The following TCF7L2 variants were observed in gnomAD, a reference collection of about 807,000 sequenced individuals.
The protein encoded by TCF7L2 is transcription factor 7-like 2.
TCF7L2 carries 23 observed loss-of-function variants against 77.9 expected under a neutral mutation model. The observed-to-expected ratio is 0.30, with a 90% CI of 0.21 to 0.42. TCF7L2 has a LOEUF of 0.42. Ranked by LOEUF, TCF7L2 falls within the 10% of genes least tolerant of loss-of-function variation. The pLI is 1.00. For synonymous variants in TCF7L2, 413 were observed against 340.2 expected (o/e 1.21, Z -2.36); for missense variants, 654 against 793.1 (o/e 0.82, Z 2.11).
chr10:113,000,109 A>G (rs2044208909), intron 4 of TCF7L2, among the ~76,000 whole-genome samples: 1 of 152,200 alleles, frequency 6.6e-6, no homozygotes, highest in South Asian at 2.1e-4. Flanking sequence ...TCCTAAAGTT[A>G]AAGAAAATCT....
In TCF7L2 at chr10:112,951,471, C is replaced by T. The variant is rs775503530; in HGVS notation, c.257-12C>T. On this transcript the variant is annotated splice_polypyrimidine_tract_variant and intron_variant, in intron 2 of 13. Coordinates refer to ENST00000627217, the MANE Select transcript of TCF7L2 (RefSeq NM_001146274.2). ...CGGCCGCCGCTGTCCCCTCGCCGCC[C>T]CGCCATGTTAGCGGCCAAGAGGCAA... 5 of 1,420,864 alleles carry T rather than the reference C, an allele frequency of 3.5e-6. 1 individual carries two copies. The South Asian group carries it at 6.0e-5, about 17-fold the overall frequency. 88.0% of individuals were successfully genotyped at this position (1,420,864 alleles called of 1,614,324 possible).
intron 5 of TCF7L2, among the ~76,000 whole-genome samples, chr10:113,096,270 T>C (rs1489950890): frequency 6.6e-6 from 1 of 152,076 alleles, no homozygotes; most frequent in Non-Finnish European, 1.5e-5. Context: ...GTCAGCAAGG[T>C]AGATGTTTGG....
intron 5 of TCF7L2, among the ~76,000 whole-genome samples, chr10:113,089,937 T>C (rs1432175687): frequency 6.6e-6 from 1 of 152,230 alleles, no homozygotes; most frequent in Non-Finnish European, 1.5e-5. Context: ...ACCTCAACTT[T>C]GCCTTCGTTA....
chr10:113,025,814 A>G (rs2049046777), intron 4 of TCF7L2, among the ~76,000 whole-genome samples: 1 of 152,156 alleles, frequency 6.6e-6, no homozygotes, highest in South Asian at 2.1e-4. Flanking sequence ...CCCCAGAAGT[A>G]CTAAGCCGCA....
intron 5 of TCF7L2, among the ~76,000 whole-genome samples, chr10:113,134,820 C>T (rs114193770): frequency 1.4e-4 from 21 of 152,290 alleles, no homozygotes; most frequent in African/African-American, 3.4e-4. Context: ...CCCCAAAGAC[C>T]TTCCATGCCC....
At chr10:113,156,500 T>G (rs1434085732) in intron 11 of TCF7L2, among the ~76,000 whole-genome samples, 1 of 152,238 alleles carries the variant, frequency 6.6e-6, no homozygotes, top group African/African-American at 2.4e-5. Context: ...AAGGCAACTT[T>G]TAGCTGTTCT....
intron 4 of TCF7L2, among the ~76,000 whole-genome samples, chr10:112,970,304 C>T (rs2037957157): frequency 6.6e-6 from 1 of 151,896 alleles, no homozygotes; most frequent in East Asian, 2.0e-4. Flanking sequence ...GTTACTTTCC[C>T]TCTTGTTCTT....
rs1391167475 is a variant in TCF7L2, at chr10:113,165,607, C to G, written c.1444C>G (p.Pro482Ala). The change falls in exon 14 of 14, where the codon CCA becomes GCA. Residue 482 changes from proline (P) to alanine (A), a missense_variant. By Grantham distance (27) the Pro-to-Ala change is conservative. This residue lies in a region of TCF7L2 where 272 missense variants were observed against 215.4 expected (regional missense o/e 1.26). Coordinates refer to ENST00000627217, the MANE Select transcript of TCF7L2 (RefSeq NM_001146274.2). ...ACAAGGTGAAGGCAGCTGCCTCAGC[C>G]CACCCTCTTCAGATGGAAGCTTACT... 1 of 1,613,960 alleles carries G rather than the reference C, an allele frequency of 6.2e-7. No homozygotes were observed.
At chr10:113,165,487 C>T in intron 13 of TCF7L2, 68 bp from the exon 15 acceptor site, 3 of 1,537,338 alleles carry the variant, frequency 2.0e-6, no homozygotes, top group South Asian at 2.4e-5. Flanking sequence ...TGGGTGTGAG[C>T]ATTAGGTAAC....
At position 113,165,201 on chromosome 10, in the gene TCF7L2, A is replaced by G. The variant is rs142508100; in HGVS notation, c.1392-354A>G. On this transcript the variant is annotated intron_variant, in intron 13 of 13. Coordinates refer to ENST00000627217, the MANE Select transcript of TCF7L2 (RefSeq NM_001146274.2). ...AGCTTTTCAGTTCTTCTCAATTTGG[A>G]CAAAGCCACTTTTTGGCAAATAGAT... Among the ~76,000 whole-genome samples the G allele has an allele frequency of 2.8e-3, 433 of 152,282 alleles. 2 individuals carry two copies. The highest frequency in any genetic ancestry group is 5.3e-3 in the Non-Finnish European group (358 of 68,026).
rs2074030005 is a variant in TCF7L2 at position 113,166,109 on chromosome 10, A to G, written c.*137A>G. The stretch of plus-strand genomic sequence containing the variant: ...CATGTGGCTACATTAGTTGATGTTT[A>G]TCGAGTTCATTGGTCAATATTTGAC... On this transcript the variant is annotated 3_prime_UTR_variant, in exon 14 of 14. Transcript: ENST00000627217. 6 of 691,702 alleles carry G rather than the reference A, an allele frequency of 8.7e-6. No homozygotes were observed. In the African/African-American group the frequency reaches 8.9e-5, roughly 10 times the overall value. The allele number at this position is 691,702 out of a possible 1,614,324, so 42.8% of individuals were successfully genotyped here. A position where few individuals can be genotyped will look rare whatever the true frequency, so the allele number is the denominator to read the frequency against.
intron 4 of TCF7L2, among the ~76,000 whole-genome samples, chr10:113,025,684 A>C (rs562009425): frequency 1.2e-4 from 18 of 151,940 alleles, no homozygotes; most frequent in African/African-American, 4.1e-4. Flanking sequence ...CCTGGCCTGA[A>C]GCATTTTGGA....
At chr10:112,957,984 A>T (rs1375323525) in intron 3 of TCF7L2, among the ~76,000 whole-genome samples, 1 of 152,154 alleles carries the variant, frequency 6.6e-6, no homozygotes, top group East Asian at 1.9e-4. Flanking sequence ...TCCAACCCAA[A>T]CTTAAAGACC....
At chr10:113,112,104 A>G (rs1591832203) in intron 5 of TCF7L2, among the ~76,000 whole-genome samples, 2 of 152,192 alleles carry the variant, frequency 1.3e-5, no homozygotes, top group Admixed American at 6.5e-5. Context: ...ATGGGAGTAT[A>G]CTCCCAGCTC....
At chr10:113,013,743 G>T (rs2046854017) in intron 4 of TCF7L2, among the ~76,000 whole-genome samples, 1 of 152,150 alleles carries the variant, frequency 6.6e-6, no homozygotes. Context: ...ACTTTCTCCT[G>T]ATCTGAGGTC....
intron 7 of TCF7L2, 113 bp downstream of exon 7, chr10:113,144,138 ATG>A (rs914968388): frequency 7.3e-4 from 322 of 439,474 alleles, no homozygotes; most frequent in South Asian, 3.3e-3. Flanking sequence ...GTGTGTGTGT[ATG>A]TGTGTGTGTT....
intron 4 of TCF7L2, among the ~76,000 whole-genome samples, chr10:112,988,173 C>T (rs910659256): frequency 2.6e-5 from 4 of 151,718 alleles, no homozygotes; most frequent in Admixed American, 6.6e-5. Context: ...TCTCAGCTCA[C>T]GGCAACCTCT....
chr10:113,149,873 G>A (rs2070368419), intron 8 of TCF7L2, among the ~76,000 whole-genome samples: 1 of 152,222 alleles, frequency 6.6e-6, no homozygotes, highest in Non-Finnish European at 1.5e-5. Flanking sequence ...TTACTTTTGG[G>A]ATTCTGCCCT....
chr10:112,952,494 T>A (rs2032039449), intron 3 of TCF7L2, among the ~76,000 whole-genome samples: 1 of 152,136 alleles, frequency 6.6e-6, no homozygotes, highest in Non-Finnish European at 1.5e-5. Flanking sequence ...TTGGTTTGTG[T>A]GCAGCCGGAA....
Sources: allele counts gnomAD v4.1 joint callset (sites outside exome capture counted in the v4.1 genomes callset), GRCh38; gene constraint gnomAD v4.1.1; regional missense constraint gnomAD v4.1.1; transcripts MANE v1.5; gene names NCBI Gene and HGNC (gene_info 2026-07-23, HGNC 2026-07-21).